The following DPYSL2 variants were observed in gnomAD, a reference collection of about 807,000 sequenced individuals.
The protein encoded by DPYSL2 is dihydropyrimidinase-related protein 2.
DPYSL2 carries 13 observed loss-of-function variants against 69.9 expected under a neutral mutation model. The observed-to-expected ratio is 0.19, with a 90% confidence interval of 0.12 to 0.30. The LOEUF is 0.30. DPYSL2 is among the 10% of genes least tolerant of loss of function. DPYSL2 has a pLI of 1.00. For synonymous variants in DPYSL2, 326 were observed against 359.1 expected (o/e 0.91, Z 1.04); for missense variants, 587 against 918.9 (o/e 0.64, Z 4.67).
intron 7 of DPYSL2, among the ~76,000 whole-genome samples, chr8:26,634,428 C>CTTT (rs55746168): frequency 0.11 from 10,180 of 91,004 alleles, 901 homozygotes; most frequent in Non-Finnish European, 0.15. Flanking sequence ...CCATGCCCAG[C>CTTT]TTTTTTTTTT....
At chr8:26,618,717 G>C (rs954512510) in intron 3 of DPYSL2, among the ~76,000 whole-genome samples, 2 of 145,248 alleles carry the variant, frequency 1.4e-5, no homozygotes, top group African/African-American at 5.2e-5. Context: ...AGGTTGGGAG[G>C]AACATCTGAG....
intron 3 of DPYSL2, among the ~76,000 whole-genome samples, chr8:26,595,645 C>T (rs950225694): frequency 3.9e-5 from 6 of 152,188 alleles, no homozygotes; most frequent in African/African-American, 1.2e-4. Flanking sequence ...GCTGCAGGGT[C>T]GTGCTGCTGG....
At chr8:26,630,614 G>GA (rs11383598) in intron 7 of DPYSL2, among the ~76,000 whole-genome samples, 3,232 of 151,978 alleles carry the variant, frequency 0.021, 104 homozygotes, top group African/African-American at 0.072. Flanking sequence ...CAACTCCAGG[G>GA]ATGCCATTCA....
At chr8:26,573,600 G>A (rs138302034) in intron 1 of DPYSL2, among the ~76,000 whole-genome samples, 3,554 of 149,998 alleles carry the variant, frequency 0.024, 131 homozygotes, top group African/African-American at 0.082. Context: ...CCCAGAAGGC[G>A]GAGCTTGCAG....
In DPYSL2 at chr8:26,594,088, A is replaced by G. The variant is rs972915798; in HGVS notation, c.628+10105A>G. On this transcript the variant is annotated intron_variant, in intron 3 of 13. Transcript: ENST00000521913. ...AGGATGGGAGCGCTCCAAGAATCAG[A>G]TCTAAGTTTAACTTCCCTTTCTAGT... Among the ~76,000 whole-genome samples the G allele has an allele frequency of 2.0e-5, 3 of 152,158 alleles. No homozygotes were observed. The East Asian group carries it at 5.8e-4, about 29-fold the overall frequency.
At chr8:26,518,149 G>C (rs554625416) in intron 1 of DPYSL2, among the ~76,000 whole-genome samples, 3 of 152,300 alleles carry the variant, frequency 2.0e-5, no homozygotes, top group Admixed American at 6.5e-5. Flanking sequence ...CCAGAGATCC[G>C]TGTCTGATAA....
At position 26,586,525 on chromosome 8, in the gene DPYSL2, A is replaced by G. The variant is rs966357193; in HGVS notation, c.628+2542A>G. On this transcript the variant is annotated intron_variant, in intron 3 of 13. Transcript: ENST00000521913. This position sits in a 1 kb window ranked among gnomAD's most constrained non-coding sequence, Gnocchi z 4.7. ...ACGCTCGCCCCGTGCTTAGGCCCCC[A>G]CTCTTGTTCTTGTTTTTGACTCTTT... is the stretch of plus-strand genomic sequence containing the variant. Among the ~76,000 whole-genome samples, 2 of 151,294 alleles carry G rather than the reference A, an allele frequency of 1.3e-5. No individual in the cohort carries two copies. Among genetic ancestry groups the G allele is most frequent in the Admixed American group, 6.6e-5 (1 of 15,174 alleles).
Position 26,571,384 on chromosome 8 carries a change from A to C in DPYSL2, c.355-10585A>C, listed in dbSNP as rs1290463421. 6.6e-6 allele frequency among the ~76,000 whole-genome samples: 1 copy of C among 152,098 alleles called. No individual in the cohort carries two copies. The highest frequency in any genetic ancestry group is 2.4e-5 in the African/African-American group (1 of 41,426). ...TGCCCTGGCTTGGAGACCAGCACGC[A>C]GGGGACCACGTGCACACTCTTTGTT... On this transcript the variant is annotated intron_variant, in intron 1 of 13. Transcript: ENST00000521913. This position sits in a 1 kb window ranked among gnomAD's most constrained non-coding sequence, Gnocchi z 6.1.
intron 1 of DPYSL2, among the ~76,000 whole-genome samples, chr8:26,542,806 A>G (rs992015464): frequency 2.5e-4 from 38 of 152,230 alleles, no homozygotes; most frequent in African/African-American, 8.9e-4. Context: ...GTTGTCCACA[A>G]TCACAAGCAG....
chr8:26,568,693 T>G (rs1373962798), intron 1 of DPYSL2, among the ~76,000 whole-genome samples: 1 of 151,650 alleles, frequency 6.6e-6, no homozygotes, highest in Non-Finnish European at 1.5e-5. Context: ...TCATGGCGGA[T>G]TCTTTTAAGA....
chr8:26,606,476 T>A (rs1233059971), intron 3 of DPYSL2, among the ~76,000 whole-genome samples: 1 of 151,856 alleles, frequency 6.6e-6, no homozygotes, highest in Non-Finnish European at 1.5e-5. Flanking sequence ...GATAACGAAG[T>A]AGGACATTCG....
At chr8:26,540,994 T>A (rs1158460292) in intron 1 of DPYSL2, among the ~76,000 whole-genome samples, 1 of 151,778 alleles carries the variant, frequency 6.6e-6, no homozygotes, top group African/African-American at 2.4e-5. Flanking sequence ...TAAGTCCAGA[T>A]GCTCCTCAAT....
In DPYSL2 at chr8:26,599,396, C is replaced by G. The variant is rs115459122; in HGVS notation, c.628+15413C>G. ...GTCATTTTTTCTGGTTGTTTTCCCT[C>G]TTCATGTATTAGCTTGGCTCTTTCT... On this transcript the variant is annotated intron_variant, in intron 3 of 13. Transcript: ENST00000521913. 2.9e-3 allele frequency among the ~76,000 whole-genome samples: 440 copies of G among 152,272 alleles called. 1 individual carries two copies. The highest frequency in any genetic ancestry group is 0.01 in the African/African-American group (429 of 41,556).
chr8:26,535,050 T>C (rs1191607533), intron 1 of DPYSL2, among the ~76,000 whole-genome samples: 1 of 152,206 alleles, frequency 6.6e-6, no homozygotes, highest in Non-Finnish European at 1.5e-5. Context: ...CATAAAAAAT[T>C]GTCATAGATT....
intron 3 of DPYSL2, among the ~76,000 whole-genome samples, chr8:26,611,735 C>T (rs900324513): frequency 6.6e-6 from 1 of 152,176 alleles, no homozygotes; most frequent in Non-Finnish European, 1.5e-5. Flanking sequence ...CCCCCCAGGC[C>T]ACGATTTCGT....
intron 1 of DPYSL2, among the ~76,000 whole-genome samples, chr8:26,576,492 CCACGGGGGT>C (rs1801345888): frequency 6.6e-6 from 1 of 152,108 alleles, no homozygotes; most frequent in Non-Finnish European, 1.5e-5. Flanking sequence ...GGGCAACCTC[CCACGGGGGT>C]TGGCCTCGGT....
Position 26,529,457 on chromosome 8 carries a change from T to C in DPYSL2, c.354+14778T>C, listed in dbSNP as rs564464436. On this transcript the variant is annotated intron_variant, in intron 1 of 13. Transcript: ENST00000521913. ...TGATTTTCTTGAGTAGCTGGGACTA[T>C]AGGTGTGTACCACCACACCTGGCTC... Among the ~76,000 whole-genome samples the C allele has an allele frequency of 3.9e-5, 6 of 152,114 alleles. No homozygotes were observed. In the South Asian group the frequency reaches 1.2e-3, roughly 32 times the overall value.
At position 26,643,061 on chromosome 8, in the gene DPYSL2, C is replaced by T. The variant is rs889224484; in HGVS notation, c.1127-378C>T. On this transcript the variant is annotated intron_variant, in intron 8 of 13. Transcript: ENST00000521913. The surrounding 1 kb of genome is among the most constrained non-coding windows in gnomAD (Gnocchi z 6.5). ...AACAGGAAGGTTAAATTTGAGGTGC[C>T]ATAGGCCATGCATAAAGAACAGTCC... The T allele has an allele frequency of 5.3e-6, 1 of 187,560 alleles. No homozygotes were observed. The allele number at this position is 187,560 out of a possible 1,614,324, so 11.6% of individuals were successfully genotyped here.
intron 1 of DPYSL2, among the ~76,000 whole-genome samples, chr8:26,545,766 CA>C (rs71216758): frequency 7.6e-4 from 109 of 143,698 alleles, no homozygotes; most frequent in Admixed American, 9.0e-4. Context: ...GACTCCATCT[CA>C]AAAAAAAAAA....
Sources: gnomAD v4.1 joint callset for allele counts (sites outside exome capture counted in the v4.1 genomes callset) on GRCh38, gnomAD v4.1.1 for gene constraint, Gnocchi (gnomAD v3.1) non-coding constraint, MANE v1.5 for transcripts, NCBI Gene and HGNC (gene_info 2026-07-23, HGNC 2026-07-21) for gene names.